The following ZNF586 variants were observed in gnomAD, a reference collection of about 807,000 sequenced individuals.
ZNF586 encodes zinc finger protein 586.
In ZNF586, 7 loss-of-function variants were observed where a neutral mutation model predicts 6.7. The ratio of observed to expected loss-of-function variants is 1.04; its 90% CI spans 0.59 to 1.95. ZNF586 has a LOEUF of 1.95. Among genes scored for constraint, ZNF586 ranks in the 30% most tolerant of loss-of-function variants. ZNF586 has a pLI of 0.00. For missense variants in ZNF586, 442 were observed against 489.6 expected (o/e 0.90, Z 0.92); for synonymous variants, 166 against 168.7 (o/e 0.98, Z 0.12).
In ZNF586 at chr19:57,779,274, T is replaced by C. The variant is rs200463207; in HGVS notation, c.687T>C (p.Thr229=). Residue 229 remains threonine, a synonymous_variant, in exon 3 of 3, where the codon ACT becomes ACC. Coordinates refer to ENST00000396154, the MANE Select transcript of ZNF586 (RefSeq NM_017652.4). ...SSLIKHRRIH[T]GERPYECSEC... Reference sequence around the variant, plus strand: ...TCATTAAACACAGGAGGATTCACACTGGAGAGAGGCCTTATGAGTGCAGTG... The same window carrying C: ...TCATTAAACACAGGAGGATTCACACCGGAGAGAGGCCTTATGAGTGCAGTG... 108 of 1,614,206 alleles carry C rather than the reference T, an allele frequency of 6.7e-5. 1 individual carries two copies. The East Asian group carries it at 2.4e-3, about 36-fold the overall frequency.
At chr19:57,778,522 A>G (rs1987295848) in intron 2 of ZNF586, among the ~76,000 whole-genome samples, 1 of 152,192 alleles carries the variant, frequency 6.6e-6, no homozygotes, top group African/African-American at 2.4e-5. Context: ...AAGGAGTTAT[A>G]GACCCTGCCT....
chr19:57,774,797 T>A, intron 1 of ZNF586: 1 of 981,202 alleles, frequency 1.0e-6, no homozygotes, highest in South Asian at 4.7e-5. Context: ...CACATTATGG[T>A]GTAAGCCCTA....
chr19:57,777,785 C>T (rs1215493862), intron 2 of ZNF586, among the ~76,000 whole-genome samples: 4 of 79,578 alleles, frequency 5.0e-5, no homozygotes, highest in Admixed American at 2.0e-4. Context: ...GATGGAGTTT[C>T]GCTCTTGTTT....
chr19:57,774,300 A>G (rs1987171490), intron 1 of ZNF586, among the ~76,000 whole-genome samples: 3 of 150,950 alleles, frequency 2.0e-5, no homozygotes, highest in Non-Finnish European at 4.4e-5. Context: ...AGGTGGGCGG[A>G]TCACTTGAGG....
At position 57,779,916 on chromosome 19, in the gene ZNF586, C is replaced by A; in HGVS notation, c.*120C>A. ...GAATATTCTTTAGCTAGAATGCTAG[C>A]TTCTTTACATAAAAGAGTGCTCCCA... On this transcript the variant is annotated 3_prime_UTR_variant, in exon 3 of 3. Transcript: ENST00000396154. 1.1e-6 allele frequency: 1 copy of A among 893,552 alleles called. No homozygotes were observed. Among genetic ancestry groups the A allele is most frequent in the Non-Finnish European group, 1.7e-6 (1 of 597,092 alleles). 55.4% of individuals were successfully genotyped at this position (893,552 alleles called of 1,614,324 possible). A position where few individuals can be genotyped will look rare whatever the true frequency, so the allele number is the denominator to read the frequency against.
Position 57,779,867 on chromosome 19 carries a change from G to C in ZNF586, c.*71G>C. 1 of 1,282,772 alleles carries C rather than the reference G, an allele frequency of 7.8e-7. No homozygotes were observed. The allele number at this position is 1,282,772 out of a possible 1,614,324, so 79.5% of individuals were successfully genotyped here. On this transcript the variant is annotated 3_prime_UTR_variant, in exon 3 of 3. Transcript: ENST00000396154. ...GGCCAGAGAGTTCACACCAGATCAA[G>C]GTGTTATGAGTGTGACAAATGGGGA...
chr19:57,776,959 C>T (rs1352631694), intron 2 of ZNF586, among the ~76,000 whole-genome samples: 1 of 152,136 alleles, frequency 6.6e-6, no homozygotes, highest in Non-Finnish European at 1.5e-5. Context: ...TGTGCAGATC[C>T]AAGGCTTCTG....
At chr19:57,774,859 A>G (rs1374053562) in intron 1 of ZNF586, 9 of 554,080 alleles carry the variant, frequency 1.6e-5, no homozygotes. Flanking sequence ...TACCAGTACT[A>G]CCTCACATGG....
At position 57,769,830 on chromosome 19, in the gene ZNF586, C is replaced by A. The variant is rs777602109; in HGVS notation, c.-13C>A. 1.2e-5 allele frequency: 18 copies of A among 1,545,788 alleles called. No homozygotes were observed. The highest frequency in any genetic ancestry group is 8.7e-7 in the Non-Finnish European group (1 of 1,146,186). ...AACACCGCCGAGCCCGCGTTCCCCC[C>A]CCGCCCAGAGTCATGGCGGCAGCAG... is the stretch of plus-strand genomic sequence containing the variant. On this transcript the variant is annotated 5_prime_UTR_variant, in exon 1 of 3. Transcript: ENST00000396154.
intron 1 of ZNF586, 25 bp downstream of exon 1, chr19:57,769,903 T>TTGGGCC: frequency 1.4e-6 from 2 of 1,475,850 alleles, no homozygotes; most frequent in Non-Finnish European, 1.8e-6. Flanking sequence ...CTCCGGGCCT[T>TTGGGCC]ACCCACCCTA....
rs542692452 is a variant in ZNF586 at position 57,777,099 on chromosome 19, G to A, written c.163+430G>A. Among the ~76,000 whole-genome samples, 4 of 152,224 alleles carry A rather than the reference G, an allele frequency of 2.6e-5. No homozygotes were observed. In the South Asian group the frequency reaches 8.3e-4, roughly 32 times the overall value. ...AATACCCTACTTCAAAATTCTTTTTGTAGTATTTCATCAGGCACAATAACA... is the reference window on the plus strand; with the variant it reads ...AATACCCTACTTCAAAATTCTTTTTATAGTATTTCATCAGGCACAATAACA... On this transcript the variant is annotated intron_variant, in intron 2 of 2. Transcript: ENST00000396154.
chr19:57,779,037 T>C lies in ZNF586; in HGVS notation c.450T>C (p.Tyr150=). 1.2e-6 allele frequency: 2 copies of C among 1,614,154 alleles called. No individual in the cohort carries two copies. The highest frequency in any genetic ancestry group is 1.7e-6 in the Non-Finnish European group (2 of 1,180,042). Residue 150 remains tyrosine, a synonymous_variant, in exon 3 of 3, where the codon TAT becomes TAC. Coordinates refer to ENST00000396154, the MANE Select transcript of ZNF586 (RefSeq NM_017652.4). The part of the protein sequence containing the change: ...HERFHTGQKT[Y]ECSECGKSFH... Reference sequence around the variant, plus strand: ...GATTTCATACTGGGCAAAAGACCTATGAGTGCAGTGAGTGTGGAAAATCAT... The same window carrying C: ...GATTTCATACTGGGCAAAAGACCTACGAGTGCAGTGAGTGTGGAAAATCAT...
At chr19:57,771,730 G>A (rs1987102517) in intron 1 of ZNF586, among the ~76,000 whole-genome samples, 1 of 152,176 alleles carries the variant, frequency 6.6e-6, no homozygotes, top group South Asian at 2.1e-4. Flanking sequence ...GATCAAACTG[G>A]AAGCTACTGC....
rs565318124 is a variant in ZNF586 at position 57,771,315 on chromosome 19, A to G, written c.36+1437A>G. Among the ~76,000 whole-genome samples, 1,037 of 116,474 alleles carry G rather than the reference A, an allele frequency of 8.9e-3. 6 individuals are homozygous for G. The highest frequency in any genetic ancestry group is 0.024 in the East Asian group (88 of 3,602). The allele number at this position is 116,474 out of a possible 152,430, so 76.4% of individuals were successfully genotyped here. On this transcript the variant is annotated intron_variant, in intron 1 of 2. Coordinates refer to ENST00000396154, the MANE Select transcript of ZNF586 (RefSeq NM_017652.4). ...GACTCCGTCTGAAAAAAAAAAAAAA[A>G]AGAGAGAGAGAGAGATGGGGTTTCG...
Position 57,779,604 on chromosome 19 carries a change from C to T in ZNF586, c.1017C>T (p.His339=). Reference sequence around the variant, plus strand: ...GCCTTATTATACATCTGAGAGTTCACACTGGAGAAAGGCCTTATGAGTGCA... The same window carrying T: ...GCCTTATTATACATCTGAGAGTTCATACTGGAGAAAGGCCTTATGAGTGCA... ...KSSLIIHLRV[H]TGERPYECSD... is the part of the protein sequence containing the mutation. Residue 339 remains histidine (H), a synonymous_variant, in exon 3 of 3, where the codon CAC becomes CAT. Coordinates refer to ENST00000396154, the MANE Select transcript of ZNF586 (RefSeq NM_017652.4). The T allele has an allele frequency of 6.2e-7, 1 of 1,613,852 alleles. No individual in the cohort carries two copies. Among genetic ancestry groups the T allele is most frequent in the Non-Finnish European group, 8.5e-7 (1 of 1,179,976 alleles).
Position 57,779,406 on chromosome 19 carries a change from A to T in ZNF586, c.819A>T (p.Arg273=), listed in dbSNP as rs1386627039. 6.2e-7 allele frequency: 1 copy of T among 1,612,828 alleles called. No homozygotes were observed. The highest frequency in any genetic ancestry group is 1.7e-5 in the Admixed American group (1 of 59,852). Residue 273 remains arginine, a synonymous_variant, in exon 3 of 3, where the codon CGA becomes CGT. Transcript: ENST00000396154. ...ECVECGKSFR[R]SSSLLQHQRV... is the part of the protein sequence containing the mutation. Reference sequence around the variant, plus strand: ...TTGAGTGTGGAAAATCATTTCGCCGAAGCTCTTCACTCTTGCAGCATCAGA... The same window carrying T: ...TTGAGTGTGGAAAATCATTTCGCCGTAGCTCTTCACTCTTGCAGCATCAGA...
At chr19:57,777,918 G>A (rs1400705858) in intron 2 of ZNF586, among the ~76,000 whole-genome samples, 9 of 150,850 alleles carry the variant, frequency 6.0e-5, no homozygotes, top group Non-Finnish European at 1.0e-4. Flanking sequence ...ACCACGCCCG[G>A]CTAATTTTTG....
chr19:57,776,604 A>G lies in ZNF586; in HGVS notation c.98A>G (p.Asn33Ser), dbSNP rs1335371534. 16 of 1,613,746 alleles carry G rather than the reference A, an allele frequency of 9.9e-6. No individual in the cohort carries two copies. Among genetic ancestry groups the G allele is most frequent in the South Asian group, 2.2e-5 (2 of 91,056 alleles). Residue 33 changes from asparagine (N) to serine (S), a missense_variant, in exon 2 of 3, where the codon AAT becomes AGT. Physicochemically the swap from Asn to Ser is conservative, Grantham distance 46. Transcript: ENST00000396154. ...NFSLEEWSLLNEAQRCLYRDV... is the reference protein window; with the variant it reads ...NFSLEEWSLLSEAQRCLYRDV... ...TCCCTGGAGGAATGGAGTCTTCTTAATGAGGCTCAGAGATGCCTGTACCGT... is the reference window on the plus strand; with the variant it reads ...TCCCTGGAGGAATGGAGTCTTCTTAGTGAGGCTCAGAGATGCCTGTACCGT...
At chr19:57,769,932 C>A (rs1987048479) in intron 1 of ZNF586, 54 bp downstream of exon 1, 4 of 1,048,314 alleles carry the variant, frequency 3.8e-6, no homozygotes, top group East Asian at 1.3e-4. Context: ...GACCCTGAGG[C>A]CCCTGATCGT....
Sources: allele counts gnomAD v4.1 joint callset (sites outside exome capture counted in the v4.1 genomes callset), GRCh38; gene constraint gnomAD v4.1.1; transcripts MANE v1.5; gene names NCBI Gene and HGNC (gene_info 2026-07-23, HGNC 2026-07-21).